The following DLG3 variants were observed in gnomAD, a reference collection of about 807,000 sequenced individuals.
DLG3 encodes discs large MAGUK scaffold protein 3.
Under a neutral mutation model 64.1 loss-of-function variants are expected in DLG3, and 1 was observed. The observed-to-expected ratio is 0.02, with a 90% confidence interval of 0.01 to 0.07. The LOEUF is 0.07. DLG3 is among the 10% of genes least tolerant of loss of function. The probability of loss-of-function intolerance (pLI) is 1.00; values close to 1 mark genes in which losing one functional copy is unlikely to be tolerated. For missense variants in DLG3, 429 were observed against 669.5 expected (o/e 0.64, Z 3.96); for synonymous variants, 245 against 259.8 (o/e 0.94, Z 0.55).
rs773364741 is a variant in DLG3, at chrX:70,494,688, C to T, written c.1774-720C>T. On this transcript the variant is annotated intron_variant, in intron 12 of 18. Coordinates refer to ENST00000374360, the MANE Select transcript of DLG3 (RefSeq NM_021120.4). ...CAGAGTCCCTCCATGCCAAGCCCAG[C>T]CTGGGGAGGTGTTCATTGCTCAGTG... Among the ~76,000 whole-genome samples the T allele has an allele frequency of 1.3e-3, 146 of 112,016 alleles. 1 individual carries two copies. The highest frequency in any genetic ancestry group is 2.4e-3 in the Non-Finnish European group (125 of 53,191).
rs1185448121 is a variant in DLG3 at position 70,448,921 on chromosome X, C to A, written c.366C>A (p.Gly122=). 1.7e-6 allele frequency: 2 copies of A among 1,208,884 alleles called. No homozygotes were observed. The highest frequency in any genetic ancestry group is 3.6e-5 in the South Asian group (2 of 56,059). Residue 122 remains glycine (G), a synonymous_variant, in exon 2 of 19, where the codon GGC becomes GGA. Coordinates refer to ENST00000374360, the MANE Select transcript of DLG3 (RefSeq NM_021120.4). ...CCTGTGTCTCCCCCTAGGTGAATGG[C>A]AGTGATGGCATGTTCAAATATGAGG... ...TNRDWYEQVN[G]SDGMFKYEEI... is the part of the protein sequence containing the mutation.
intron 13 of DLG3, chrX:70,497,079 G>T: frequency 1.2e-6 from 1 of 858,930 alleles, no homozygotes; most frequent in Non-Finnish European, 1.7e-6. Flanking sequence ...TGACTCAGTT[G>T]GCAGCTCAGT....
rs914549207 is a variant in DLG3 at position 70,474,396 on chromosome X, G to T, written c.1406-4754G>T. Among the ~76,000 whole-genome samples, 4 of 111,062 alleles carry T rather than the reference G, an allele frequency of 3.6e-5. No homozygotes were observed. The Admixed American group carries it at 3.9e-4, about 11-fold the overall frequency. ...AACAGTACGGCAATGACAATTAAAA[G>T]TATAAAGAAATAGATTGAGGAAGCA... On this transcript the variant is annotated intron_variant, in intron 9 of 18. Coordinates refer to ENST00000374360, the MANE Select transcript of DLG3 (RefSeq NM_021120.4).
At chrX:70,497,880 C>T (rs1044591104) in intron 13 of DLG3, among the ~76,000 whole-genome samples, 1 of 112,069 alleles carries the variant, frequency 8.9e-6, no homozygotes, top group East Asian at 2.8e-4. Flanking sequence ...TTGGGACCTC[C>T]AGGCACCCAG....
chrX:70,491,000 C>T (rs1331043104), intron 10 of DLG3, among the ~76,000 whole-genome samples: 1 of 110,157 alleles, frequency 9.1e-6, no homozygotes, highest in Admixed American at 9.6e-5. Context: ...GTAACCTCCA[C>T]CTCTCAAGTT....
chrX:70,492,571 G>C lies in DLG3; in HGVS notation c.1748G>C (p.Arg583Thr). The change falls in exon 12 of 19, where the codon AGG (arginine) becomes ACG (threonine). Residue 583 changes from arginine to threonine, a missense_variant. Coordinates refer to ENST00000374360, the MANE Select transcript of DLG3 (RefSeq NM_021120.4). ...TTGAAAACTGTGAAGTTCCATGCCAGGACGGGGATGATTGAGTCTAACAGG... is the reference window on the plus strand; with the variant it reads ...TTGAAAACTGTGAAGTTCCATGCCACGACGGGGATGATTGAGTCTAACAGG... ...ARLKTVKFHA[R>T]TGMIESNRDF... 8.3e-7 allele frequency: 1 copy of C among 1,211,405 alleles called. No individual in the cohort carries two copies. The highest frequency in any genetic ancestry group is 1.1e-6 in the Non-Finnish European group (1 of 895,117).
chrX:70,482,868 C>T (rs957312812), intron 10 of DLG3, among the ~76,000 whole-genome samples: 5 of 108,225 alleles, frequency 4.6e-5, no homozygotes, highest in East Asian at 2.9e-4. Context: ...AGGGTTTCAT[C>T]GTGTTAGCCA....
rs1475367776 is a variant in DLG3 at position 70,482,660 on chromosome X, GTGTTTTT to G, written c.1520+3398_1520+3404del. On this transcript the variant is annotated intron_variant, in intron 10 of 18. Transcript: ENST00000374360. ...TCAGGTTTGGGAAAATACATGTGTG[GTGTTTTT>G]TTTTTTTTTTTTTTTTTTGACGGAG... is the stretch of plus-strand genomic sequence containing the variant. 2.5e-3 allele frequency among the ~76,000 whole-genome samples: 174 copies of G among 69,244 alleles called. 6 individuals carry two copies. The highest frequency in any genetic ancestry group is 0.01 in the African/African-American group (162 of 16,135). 60.1% of individuals were successfully genotyped at this position (69,244 alleles called of 115,157 possible). A position where few individuals can be genotyped will look rare whatever the true frequency, so the allele number is the denominator to read the frequency against.
intron 13 of DLG3, 53 bp downstream of exon 13, chrX:70,495,506 T>A: frequency 1.8e-6 from 2 of 1,120,901 alleles, no homozygotes; most frequent in Non-Finnish European, 1.2e-6. Context: ...ATGGAGATAG[T>A]GGGGGTGGGG....
At position 70,445,341 on chromosome X, in the gene DLG3, C is replaced by G. The variant is rs1169925236; in HGVS notation, c.140C>G (p.Ala47Gly). 2 of 1,170,098 alleles carry G rather than the reference C, an allele frequency of 1.7e-6. No individual in the cohort carries two copies. The highest frequency in any genetic ancestry group is 3.5e-5 in the African/African-American group (2 of 56,923). The change falls in exon 1 of 19, where the codon GCC (alanine) becomes GGC (glycine). Residue 47 changes from alanine (A) to glycine (G), a missense_variant. This residue lies in a region of DLG3 where 123 missense variants were observed against 113.3 expected (regional missense o/e 1.09). Coordinates refer to ENST00000374360, the MANE Select transcript of DLG3 (RefSeq NM_021120.4). ...DPYGPGGGNGASAGYGGYSSQ... is the reference protein window; with the variant it reads ...DPYGPGGGNGGSAGYGGYSSQ... Reference sequence around the variant, plus strand: ...TACGGGCCAGGTGGGGGCAACGGCGCCAGCGCGGGTTATGGGGGCTACAGC... The same window carrying G: ...TACGGGCCAGGTGGGGGCAACGGCGGCAGCGCGGGTTATGGGGGCTACAGC...
At chrX:70,491,944 C>T (rs2087367348) in intron 10 of DLG3, among the ~76,000 whole-genome samples, 163 bp from the exon 11 acceptor site, 1 of 111,845 alleles carries the variant, frequency 8.9e-6, no homozygotes, top group Non-Finnish European at 1.9e-5. Flanking sequence ...ATATTTACCA[C>T]TTTGGCTCAG....
chrX:70,501,067 T>TAG, intron 18 of DLG3, 78 bp downstream of exon 18: 1 of 795,431 alleles, frequency 1.3e-6, no homozygotes, highest in Non-Finnish European at 1.9e-6. Context: ...CAAAGAGGTG[T>TAG]AGACAGAATG....
At chrX:70,501,735 A>G (rs1009436931) in intron 18 of DLG3, among the ~76,000 whole-genome samples, 2 of 111,365 alleles carry the variant, frequency 1.8e-5, no homozygotes, top group African/African-American at 6.5e-5. Context: ...TGTGGCTTTC[A>G]GTTCTTTCTG....
intron 8 of DLG3, 22 bp from the exon 9 acceptor site, chrX:70,454,192 C>T: frequency 8.3e-7 from 1 of 1,202,091 alleles, no homozygotes; most frequent in South Asian, 1.8e-5. Context: ...TGGGGTGGCT[C>T]ACAGCTTCTC....
chrX:70,461,711 C>T (rs930881261), intron 9 of DLG3, among the ~76,000 whole-genome samples: 4 of 110,355 alleles, frequency 3.6e-5, no homozygotes, highest in Non-Finnish European at 7.6e-5. Context: ...CAGTCACCCA[C>T]CATCATGCCC....
At chrX:70,496,127 G>A (rs73216735) in intron 13 of DLG3, among the ~76,000 whole-genome samples, 4,100 of 112,531 alleles carry the variant, frequency 0.036, 63 homozygotes, top group East Asian at 0.062. Context: ...AAAAGACCTA[G>A]ATGATGAGGC....
At chrX:70,447,027 T>C (rs2086575188) in intron 1 of DLG3, among the ~76,000 whole-genome samples, 1 of 111,897 alleles carries the variant, frequency 8.9e-6, no homozygotes, top group Non-Finnish European at 1.9e-5. Context: ...AGTCCCTCTC[T>C]CTCCTTTGCC....
chrX:70,497,034 G>T (rs2087468180), intron 13 of DLG3: 2 of 576,780 alleles, frequency 3.5e-6, no homozygotes, highest in African/African-American at 2.2e-5. Context: ...GTGCCTCCCA[G>T]TTGGTAGCCT....
rs763869382 is a variant in DLG3 at position 70,503,033 on chromosome X, G to C, written c.*764G>C. ...CATTTGGTCATTCTCTTGAGAGCTA[G>C]GAGGGGTCAGCCTGAGGCCGGAGAG... On this transcript the variant is annotated 3_prime_UTR_variant, in exon 19 of 19. Coordinates refer to ENST00000374360, the MANE Select transcript of DLG3 (RefSeq NM_021120.4). 2 of 111,169 alleles carry C rather than the reference G, an allele frequency of 1.8e-5. No individual in the cohort carries two copies. Among genetic ancestry groups the C allele is most frequent in the Non-Finnish European group, 3.8e-5 (2 of 52,992 alleles). The allele number at this position is 111,169 out of a possible 1,213,427, so 9.2% of individuals were successfully genotyped here.
Sources: allele counts gnomAD v4.1 joint callset (sites outside exome capture counted in the v4.1 genomes callset), GRCh38; gene constraint gnomAD v4.1.1; regional missense constraint gnomAD v4.1.1; transcripts MANE v1.5; gene names NCBI Gene and HGNC (gene_info 2026-07-23, HGNC 2026-07-21).